TLL2: variants seen among roughly 807,000 people sequenced by gnomAD.
TLL2 encodes tolloid like 2.
A neutral mutation model predicts 123.0 loss-of-function variants in TLL2; 106 were observed. The observed-to-expected ratio is 0.86, with a 90% CI of 0.74 to 1.01. TLL2 has a LOEUF of 1.01. Among genes scored for constraint, TLL2 ranks in the 50% least tolerant of loss-of-function variants. The probability of loss-of-function intolerance (pLI) is 0.00; values close to 1 mark genes in which losing one functional copy is unlikely to be tolerated. For missense variants in TLL2, 1,332 were observed against 1,336.7 expected (o/e 1.00, Z 0.06); for synonymous variants, 494 against 516.8 (o/e 0.96, Z 0.60).
chr10:96,400,637 C>G (rs1201311741), intron 10 of TLL2, among the ~76,000 whole-genome samples: 2 of 152,202 alleles, frequency 1.3e-5, no homozygotes, highest in East Asian at 1.9e-4. Flanking sequence ...CCGGGCCACA[C>G]GACACTGATC....
At chr10:96,407,181 C>A (rs1194104178) in intron 9 of TLL2, among the ~76,000 whole-genome samples, 3 of 152,106 alleles carry the variant, frequency 2.0e-5, no homozygotes, top group Admixed American at 2.0e-4. Context: ...TTACTTTCCA[C>A]ACCCCCAGAG....
At chr10:96,513,271 C>A (rs867608994) in intron 1 of TLL2, among the ~76,000 whole-genome samples, 1 of 152,156 alleles carries the variant, frequency 6.6e-6, no homozygotes, top group Non-Finnish European at 1.5e-5. Flanking sequence ...CGCTCTGATT[C>A]GCTTTGGGAA....
At chr10:96,464,813 C>G (rs1001947270) in intron 2 of TLL2, among the ~76,000 whole-genome samples, 1 of 152,078 alleles carries the variant, frequency 6.6e-6, no homozygotes, top group African/African-American at 2.4e-5. Flanking sequence ...AAATATACCC[C>G]AAAATAAAGT....
chr10:96,420,828 T>C, intron 7 of TLL2, 128 bp downstream of exon 7: 2 of 759,090 alleles, frequency 2.6e-6, no homozygotes, highest in Non-Finnish European at 4.6e-6. Context: ...CCACTGTATT[T>C]CAAGGACAGA....
At chr10:96,491,219 A>G (rs1240873370) in intron 1 of TLL2, among the ~76,000 whole-genome samples, 7 of 152,108 alleles carry the variant, frequency 4.6e-5, no homozygotes, top group Admixed American at 4.6e-4. Flanking sequence ...CATCTCTACT[A>G]AAAATACAAA....
chr10:96,396,225 G>GA (rs1034162288), intron 11 of TLL2, among the ~76,000 whole-genome samples: 2 of 152,122 alleles, frequency 1.3e-5, no homozygotes, highest in African/African-American at 2.4e-5. Context: ...TTCATATAAA[G>GA]AAAAAACCAC....
intron 13 of TLL2, among the ~76,000 whole-genome samples, chr10:96,387,439 G>A (rs1003442138): frequency 3.3e-5 from 5 of 152,120 alleles, no homozygotes; most frequent in African/African-American, 1.2e-4. Context: ...ATGGAATTGA[G>A]GACTTCCCCT....
intron 2 of TLL2, among the ~76,000 whole-genome samples, chr10:96,448,148 T>A (rs1031423507): frequency 1.3e-5 from 2 of 152,178 alleles, no homozygotes; most frequent in African/African-American, 2.4e-5. Flanking sequence ...CAGGCGGAGA[T>A]GGGAGGCTCC....
chr10:96,391,732 A>G (rs1846290847), intron 13 of TLL2, among the ~76,000 whole-genome samples: 3 of 152,214 alleles, frequency 2.0e-5, no homozygotes, highest in Non-Finnish European at 4.4e-5. Context: ...ATAGGTCTAG[A>G]TGAGGTTTCT....
chr10:96,508,219 C>G (rs1028184180), intron 1 of TLL2, among the ~76,000 whole-genome samples: 1 of 152,186 alleles, frequency 6.6e-6, no homozygotes, highest in Non-Finnish European at 1.5e-5. Context: ...TACAATCTTC[C>G]CAATGCCACT....
intron 4 of TLL2, among the ~76,000 whole-genome samples, chr10:96,430,109 C>T (rs928841613): frequency 1.4e-5 from 2 of 144,422 alleles, no homozygotes; most frequent in South Asian, 2.3e-4. Context: ...GATGTTTGTC[C>T]CCTTCAGATC....
At chr10:96,410,687 C>T (rs952154030) in intron 8 of TLL2, 4 of 643,052 alleles carry the variant, frequency 6.2e-6, no homozygotes, top group Non-Finnish European at 1.2e-5. Flanking sequence ...GGAATTTCTT[C>T]TGAGGCTCTC....
intron 1 of TLL2, among the ~76,000 whole-genome samples, chr10:96,490,618 A>C (rs1847403334): frequency 6.6e-6 from 1 of 152,232 alleles, no homozygotes; most frequent in East Asian, 1.9e-4. Flanking sequence ...CAAATAAATA[A>C]AAAATTAAAT....
At chr10:96,448,676 T>A (rs1341064956) in intron 2 of TLL2, among the ~76,000 whole-genome samples, 1 of 152,036 alleles carries the variant, frequency 6.6e-6, no homozygotes, top group Non-Finnish European at 1.5e-5. Context: ...ACCAGATATT[T>A]AGGTCTGGAG....
intron 3 of TLL2, among the ~76,000 whole-genome samples, chr10:96,443,750 G>A (rs1846870421): frequency 6.6e-6 from 1 of 152,202 alleles, no homozygotes; most frequent in Admixed American, 6.5e-5. Flanking sequence ...TTACCACTAA[G>A]TGCTGATCAT....
intron 2 of TLL2, among the ~76,000 whole-genome samples, chr10:96,454,123 CT>C (rs199985300): frequency 6.6e-6 from 1 of 151,592 alleles, no homozygotes; most frequent in Non-Finnish European, 1.5e-5. Flanking sequence ...GTAATCCAAT[CT>C]TTTTTTTTCT....
Position 96,395,971 on chromosome 10 carries a change from G to A in TLL2, c.1434C>T (p.Pro478=). ...AAGGTCTGTAGTCATCCGGATAGTT[G>A]GGAGATTGAATCTGACCGGCATCTT... is the stretch of plus-strand genomic sequence containing the variant. ...MNKDAGQIQS[P]NYPDDYRPSK... Residue 478 remains proline (P), a synonymous_variant, in exon 12 of 21, where the codon CCC becomes CCT. Transcript: ENST00000357947. 1 of 1,614,176 alleles carries A rather than the reference G, an allele frequency of 6.2e-7. No individual in the cohort carries two copies. The highest frequency in any genetic ancestry group is 8.5e-7 in the Non-Finnish European group (1 of 1,180,040).
At chr10:96,385,189 C>T (rs1846222573) in intron 15 of TLL2, among the ~76,000 whole-genome samples, 1 of 152,136 alleles carries the variant, frequency 6.6e-6, no homozygotes, top group African/African-American at 2.4e-5. Context: ...CAGAATCTGA[C>T]TCCATTTTCA....
Position 96,379,102 on chromosome 10 carries a change from T to A in TLL2, c.2195-10A>T, listed in dbSNP as rs752083446. 23 of 1,612,574 alleles carry A rather than the reference T, an allele frequency of 1.4e-5. No individual in the cohort carries two copies. Among genetic ancestry groups the A allele is most frequent in the Non-Finnish European group, 2.0e-5 (23 of 1,178,790 alleles). ...GCACACTCGTCCTTATCTGGGGAGA[T>A]CAATGAACTCTTCTAAGAGGAACCG... is the stretch of plus-strand genomic sequence containing the variant. On this transcript the variant is annotated splice_polypyrimidine_tract_variant and intron_variant, in intron 16 of 20. Coordinates refer to ENST00000357947, the MANE Select transcript of TLL2 (RefSeq NM_012465.4).
Sources: gnomAD v4.1 joint callset for allele counts (sites outside exome capture counted in the v4.1 genomes callset) on GRCh38, gnomAD v4.1.1 for gene constraint, MANE v1.5 for transcripts, NCBI Gene and HGNC (gene_info 2026-07-23, HGNC 2026-07-21) for gene names.